KANSL1L: variants seen among roughly 807,000 people sequenced by gnomAD.
The protein encoded by KANSL1L is KAT8 regulatory NSL complex subunit 1-like protein.
KANSL1L carries 25 observed loss-of-function variants against 108.6 expected under a neutral mutation model. That is an observed-to-expected ratio of 0.23 (90% CI 0.17 to 0.32). The LOEUF is 0.32. Among genes scored for constraint, KANSL1L ranks in the 10% least tolerant of loss-of-function variants. The pLI, the probability that KANSL1L is intolerant of heterozygous loss-of-function variation, is 1.00. For synonymous variants in KANSL1L, 405 were observed against 395.1 expected, an observed-to-expected ratio of 1.03 and a Z score of -0.30; for missense variants, 1,137 against 1,125.7, an observed-to-expected ratio of 1.01 and a Z score of -0.14.
intron 6 of KANSL1L, among the ~76,000 whole-genome samples, chr2:210,055,666 AG>A (rs1175578162): frequency 7.9e-5 from 12 of 152,216 alleles, no homozygotes; most frequent in African/African-American, 2.9e-4. Context: ...ACTGGAATAA[AG>A]GTGATTCTTG....
At chr2:210,103,606 T>C (rs1180829685) in intron 4 of KANSL1L, among the ~76,000 whole-genome samples, 1 of 152,168 alleles carries the variant, frequency 6.6e-6, no homozygotes, top group Non-Finnish European at 1.5e-5. Flanking sequence ...TTATCCACAA[T>C]AGAATTTAGA....
At chr2:210,134,274 T>TA (rs1485254083) in intron 2 of KANSL1L, among the ~76,000 whole-genome samples, 1 of 152,152 alleles carries the variant, frequency 6.6e-6, no homozygotes, top group Non-Finnish European at 1.5e-5. Flanking sequence ...ATGTTCACAT[T>TA]TTCCTTTTAA....
At chr2:210,107,247 T>C (rs1170871651) in intron 3 of KANSL1L, among the ~76,000 whole-genome samples, 7 of 151,850 alleles carry the variant, frequency 4.6e-5, no homozygotes, top group African/African-American at 1.7e-4. Flanking sequence ...AAATAAAAAA[T>C]TTAAAACACA....
At position 210,154,577 on chromosome 2, in the gene KANSL1L, G is replaced by T. The variant is rs1383814641; in HGVS notation, c.6C>A (p.Thr2=). 2 of 1,496,348 alleles carry T rather than the reference G, an allele frequency of 1.3e-6. No homozygotes were observed. The highest frequency in any genetic ancestry group is 1.5e-5 in the South Asian group (1 of 67,878). The allele number at this position is 1,496,348 out of a possible 1,614,324, so 92.7% of individuals were successfully genotyped here. A position where few individuals can be genotyped will look rare whatever the true frequency, so the allele number is the denominator to read the frequency against. Residue 2 remains threonine (T), a synonymous_variant, in exon 2 of 15, where the codon ACC becomes ACA. Coordinates refer to ENST00000281772, the MANE Select transcript of KANSL1L (RefSeq NM_152519.4). M[T]PALREATAKG... ...TTGCTGTTGCCTCCCTCAGAGCTGG[G>T]GTCATGGCGATTCCTGTAGATAAGT...
Position 210,159,350 on chromosome 2 carries a change from G to A in KANSL1L, c.-29-4739C>T, listed in dbSNP as rs2095349719. ...TCACTTCATTTACTTCTGCTCTAAG[G>A]TCACCTCATCAGAGTCCTTCCCTGA... On this transcript the variant is annotated intron_variant, in intron 1 of 14. Coordinates refer to ENST00000281772, the MANE Select transcript of KANSL1L (RefSeq NM_152519.4). Among the ~76,000 whole-genome samples the A allele has an allele frequency of 3.3e-5, 5 of 152,250 alleles. No homozygotes were observed. In the South Asian group the frequency reaches 1.0e-3, roughly 32 times the overall value.
At chr2:210,084,609 CTT>C (rs879594833) in intron 5 of KANSL1L, among the ~76,000 whole-genome samples, 6 of 148,686 alleles carry the variant, frequency 4.0e-5, no homozygotes, top group South Asian at 2.1e-4. Context: ...ATAGTGATTT[CTT>C]TTTTTTTTCT....
At chr2:210,040,355 CA>C in intron 8 of KANSL1L, 64 bp downstream of exon 8, 1 of 770,046 alleles carries the variant, frequency 1.3e-6, no homozygotes, top group Non-Finnish European at 2.2e-6. Context: ...TCTTAGAATG[CA>C]AAAATAGTAA....
intron 6 of KANSL1L, among the ~76,000 whole-genome samples, chr2:210,065,480 CTG>C (rs2125293100): frequency 6.6e-6 from 1 of 151,646 alleles, no homozygotes; most frequent in South Asian, 2.1e-4. Flanking sequence ...GCCAGTAAAA[CTG>C]TGGCCTCAGT....
chr2:210,114,643 T>C (rs899280238), intron 3 of KANSL1L, among the ~76,000 whole-genome samples: 2 of 152,116 alleles, frequency 1.3e-5, no homozygotes, highest in African/African-American at 4.8e-5. Context: ...AAAAATATAA[T>C]AGATCCAAAG....
Position 210,094,391 on chromosome 2 carries a change from A to C in KANSL1L, c.1550+3695T>G, listed in dbSNP as rs2094718196. On this transcript the variant is annotated intron_variant, in intron 5 of 14. Coordinates refer to ENST00000281772, the MANE Select transcript of KANSL1L (RefSeq NM_152519.4). ...AGTCTGAAATACCATTAAATAGACT[A>C]AGCCCTTACTCCTAAAAACCTTTGA... Among the ~76,000 whole-genome samples the C allele has an allele frequency of 2.0e-5, 3 of 152,102 alleles. No individual in the cohort carries two copies. The South Asian group carries it at 6.2e-4, about 31-fold the overall frequency.
chr2:210,055,525 C>A (rs1274410560), intron 6 of KANSL1L, among the ~76,000 whole-genome samples: 1 of 152,094 alleles, frequency 6.6e-6, no homozygotes, highest in African/African-American at 2.4e-5. Context: ...GCTCACAAGA[C>A]AGGTAGATGT....
intron 3 of KANSL1L, among the ~76,000 whole-genome samples, chr2:210,126,829 T>C (rs2095070311): frequency 6.6e-6 from 1 of 151,972 alleles, no homozygotes; most frequent in Admixed American, 6.6e-5. Context: ...AAAATATATA[T>C]AAATAAATAA....
At chr2:210,042,333 A>C (rs756881922) in intron 7 of KANSL1L, among the ~76,000 whole-genome samples, 1 of 152,172 alleles carries the variant, frequency 6.6e-6, no homozygotes, top group Non-Finnish European at 1.5e-5. Context: ...ATTTTTATTG[A>C]ATGTAAGAAG....
chr2:210,057,199 C>T (rs757910280), intron 6 of KANSL1L, among the ~76,000 whole-genome samples: 7 of 152,066 alleles, frequency 4.6e-5, no homozygotes, highest in Non-Finnish European at 7.4e-5. Context: ...GCCAGGAATT[C>T]GAGACCAGCC....
intron 3 of KANSL1L, among the ~76,000 whole-genome samples, chr2:210,118,065 C>G (rs1331039966): frequency 6.6e-6 from 1 of 151,122 alleles, no homozygotes; most frequent in Non-Finnish European, 1.5e-5. Flanking sequence ...ACTCAGGAGG[C>G]TGAGGCAGGA....
At chr2:210,047,047 G>T (rs1025198251) in intron 6 of KANSL1L, among the ~76,000 whole-genome samples, 17 of 152,088 alleles carry the variant, frequency 1.1e-4, no homozygotes, top group Admixed American at 9.2e-4. Context: ...TTTGCACTCT[G>T]GGCCTATGCT....
At chr2:210,095,278 T>C (rs2094725760) in intron 5 of KANSL1L, among the ~76,000 whole-genome samples, 1 of 152,132 alleles carries the variant, frequency 6.6e-6, no homozygotes, top group African/African-American at 2.4e-5. Flanking sequence ...GTCCCTTTTA[T>C]TATAGCCTTT....
intron 3 of KANSL1L, among the ~76,000 whole-genome samples, chr2:210,124,316 CAATGA>C (rs1266484062): frequency 6.6e-6 from 1 of 152,002 alleles, no homozygotes; most frequent in East Asian, 1.9e-4. Context: ...TTTCCAACCA[CAATGA>C]AATGAAGTGA....
intron 8 of KANSL1L, chr2:210,035,187 T>A (rs1381790378): frequency 1.3e-5 from 2 of 152,210 alleles, no homozygotes; most frequent in East Asian, 3.8e-4. Context: ...CTCATTAAGG[T>A]CTTATATCTG....
Sources: allele counts gnomAD v4.1 joint callset (sites outside exome capture counted in the v4.1 genomes callset), GRCh38; gene constraint gnomAD v4.1.1; transcripts MANE v1.5; gene names NCBI Gene and HGNC (gene_info 2026-07-23, HGNC 2026-07-21).